CD9: variants seen among roughly 807,000 people sequenced by gnomAD.
CD9 encodes the protein CD9 antigen.
A neutral mutation model predicts 31.4 loss-of-function variants in CD9; 10 were observed. The observed-to-expected ratio is 0.32, with a 90% CI of 0.20 to 0.54. CD9 has a LOEUF of 0.54. CD9 is among the 20% of genes least tolerant of loss of function. CD9 has a pLI of 0.94. For missense variants in CD9, 259 were observed against 300.1 expected (o/e 0.86, Z 1.01); for synonymous variants, 113 against 114.1 (o/e 0.99, Z 0.06).
At chr12:6,210,376 C>T (rs1030944473) in intron 1 of CD9, among the ~76,000 whole-genome samples, 13 of 152,204 alleles carry the variant, frequency 8.5e-5, no homozygotes, top group African/African-American at 3.1e-4. Context: ...CTCTGTCCAC[C>T]CTGACTATAT....
intron 2 of CD9, among the ~76,000 whole-genome samples, chr12:6,229,539 A>AACCAGTC (rs1341226483): frequency 6.6e-6 from 1 of 152,184 alleles, no homozygotes; most frequent in Non-Finnish European, 1.5e-5. Flanking sequence ...ACCAAGACGA[A>AACCAGTC]ACCAGTCGGG....
chr12:6,202,181 A>G (rs1267228166), intron 1 of CD9, among the ~76,000 whole-genome samples: 1 of 152,148 alleles, frequency 6.6e-6, no homozygotes, highest in East Asian at 1.9e-4. Flanking sequence ...ATTTGCAGAG[A>G]CTGACTTCCC....
intron 2 of CD9, among the ~76,000 whole-genome samples, chr12:6,226,762 CAG>C (rs1448221930): frequency 6.6e-6 from 1 of 152,196 alleles, no homozygotes; most frequent in Non-Finnish European, 1.5e-5. Context: ...CACATACACA[CAG>C]AGTTTTTGGG....
chr12:6,233,075 G>A lies in CD9; in HGVS notation c.274-337G>A, dbSNP rs11568262. The A allele has an allele frequency of 5.3e-3, 3,721 of 701,962 alleles. 79 individuals carry two copies. Among genetic ancestry groups the A allele is most frequent in the African/African-American group, 0.052 (2,958 of 57,236 alleles). The allele number at this position is 701,962 out of a possible 1,614,324, so 43.5% of individuals were successfully genotyped here. ...TTTCCGAACTCCACGGAGTGGATTC[G>A]CTCCCTTTACTTGCCCAAATCTCTT... On this transcript the variant is annotated intron_variant, in intron 3 of 7. Coordinates refer to ENST00000009180, the MANE Select transcript of CD9 (RefSeq NM_001769.4).
chr12:6,232,681 C>G lies in CD9; in HGVS notation c.225C>G (p.Phe75Leu), dbSNP rs138825133. 2 of 1,581,908 alleles carry G rather than the reference C, an allele frequency of 1.3e-6. No homozygotes were observed. Among genetic ancestry groups the G allele is most frequent in the South Asian group, 1.2e-5 (1 of 86,848 alleles). The change falls in exon 3 of 8, where the codon TTC becomes TTG. Residue 75 changes from phenylalanine (F) to leucine (L), a missense_variant. Coordinates refer to ENST00000009180, the MANE Select transcript of CD9 (RefSeq NM_001769.4). The surrounding 1 kb of genome is among the most constrained non-coding windows in gnomAD (Gnocchi z 4.8). ...GCGCCCTCATGATGCTGGTGGGCTT[C>G]CTGGGCTGCTGCGGGGCTGTGCAGG... The part of the protein sequence containing the change: ...GAGALMMLVG[F>L]LGCCGAVQES...
At chr12:6,206,412 C>T (rs1946133114) in intron 1 of CD9, among the ~76,000 whole-genome samples, 1 of 152,000 alleles carries the variant, frequency 6.6e-6, no homozygotes, top group South Asian at 2.1e-4. Context: ...TTTGTAGAGA[C>T]AGGATCTCAC....
rs532910736 is a variant in CD9 at position 6,235,361 on chromosome 12, T to C, written c.447+34T>C. On this transcript the variant is annotated intron_variant, in intron 5 of 7. Transcript: ENST00000009180. ...CCTTGGCAAAGACACCCTCCTGCGC[T>C]TTCTCCGGATTGTGTCTGCACACAG... 1.3e-4 allele frequency: 208 copies of C among 1,614,154 alleles called. 1 individual carries two copies. Among genetic ancestry groups the C allele is most frequent in the Middle Eastern group, 1.2e-3 (7 of 6,062 alleles).
chr12:6,216,336 G>C (rs1946242489), intron 1 of CD9, among the ~76,000 whole-genome samples: 1 of 152,210 alleles, frequency 6.6e-6, no homozygotes, highest in Non-Finnish European at 1.5e-5. Context: ...CCAGTATTTG[G>C]TGTGTTGCTT....
chr12:6,220,661 T>C (rs1946284006), intron 1 of CD9, among the ~76,000 whole-genome samples: 1 of 152,194 alleles, frequency 6.6e-6, no homozygotes, highest in African/African-American at 2.4e-5. Flanking sequence ...GTGGAGCAGG[T>C]TCTTGAAGGA....
intron 1 of CD9, among the ~76,000 whole-genome samples, chr12:6,217,158 G>A (rs1946251632): frequency 6.6e-6 from 1 of 152,166 alleles, no homozygotes; most frequent in Non-Finnish European, 1.5e-5. Flanking sequence ...ATTCTCAACA[G>A]AGGCGTGCAA....
intron 3 of CD9, chr12:6,233,103 CT>C: frequency 1.4e-6 from 1 of 700,624 alleles, no homozygotes; most frequent in Non-Finnish European, 2.6e-6. Context: ...AATCTCTTGT[CT>C]TTTGTGAACA....
In CD9 at chr12:6,232,740, C is replaced by T. The variant is rs951497768; in HGVS notation, c.273+11C>T. 3.3e-6 allele frequency: 5 copies of T among 1,519,654 alleles called. No homozygotes were observed. The highest frequency in any genetic ancestry group is 2.4e-5 in the South Asian group (2 of 83,806). 94.1% of individuals were successfully genotyped at this position (1,519,654 alleles called of 1,614,324 possible). A position where few individuals can be genotyped will look rare whatever the true frequency, so the allele number is the denominator to read the frequency against. ...TGCATGCTGGGACTGGTGAGTATCC[C>T]CTCGGCATCCCCACAGCCACCCTGA... is the stretch of plus-strand genomic sequence containing the variant. On this transcript the variant is annotated intron_variant, in intron 3 of 7. Coordinates refer to ENST00000009180, the MANE Select transcript of CD9 (RefSeq NM_001769.4). The surrounding 1 kb of genome is among the most constrained non-coding windows in gnomAD (Gnocchi z 4.8).
intron 7 of CD9, among the ~76,000 whole-genome samples, chr12:6,237,004 G>A (rs12426772): frequency 3.3e-5 from 5 of 152,006 alleles, no homozygotes; most frequent in Admixed American, 2.0e-4. Context: ...TTGAGACGAA[G>A]TTTCACTCTT....
chr12:6,203,555 C>G (rs2136597521), intron 1 of CD9, among the ~76,000 whole-genome samples: 1 of 152,286 alleles, frequency 6.6e-6, no homozygotes, highest in East Asian at 1.9e-4. Flanking sequence ...CTTCCCTGGC[C>G]TGATCTCATC....
chr12:6,201,846 G>A (rs898378266), intron 1 of CD9, among the ~76,000 whole-genome samples: 1 of 152,140 alleles, frequency 6.6e-6, no homozygotes, highest in African/African-American at 2.4e-5. Flanking sequence ...AGACCAGCCT[G>A]GGTAACATAG....
upstream of CD9, chr12:6,200,333 G>T: frequency 2.5e-6 from 1 of 404,344 alleles, no homozygotes. Context: ...CGGCACATGC[G>T]CACCGCAGCG....
chr12:6,209,469 C>T lies in CD9; in HGVS notation c.66+8904C>T, dbSNP rs555207735. Among the ~76,000 whole-genome samples the T allele has an allele frequency of 1.0e-3, 156 of 152,284 alleles. 1 individual carries two copies. Among genetic ancestry groups the T allele is most frequent in the African/African-American group, 3.7e-3 (153 of 41,546 alleles). ...AGGCCCTTCCCACTAAGACATATTCCTCCTGCTCTCCATGGTGCAATGTAA... is the reference window on the plus strand; with the variant it reads ...AGGCCCTTCCCACTAAGACATATTCTTCCTGCTCTCCATGGTGCAATGTAA... On this transcript the variant is annotated intron_variant, in intron 1 of 7. Transcript: ENST00000009180.
chr12:6,200,772 G>A, intron 1 of CD9: 1 of 462,086 alleles, frequency 2.2e-6, no homozygotes, highest in Non-Finnish European at 3.8e-6. Context: ...GCATTCGGGT[G>A]GGGGCTCATC....
intron 5 of CD9, 22 bp from the exon 6 acceptor site, chr12:6,235,454 C>T (rs1320924687): frequency 2.5e-6 from 4 of 1,613,640 alleles, no homozygotes; most frequent in African/African-American, 1.3e-5. Flanking sequence ...CTCTCATCCC[C>T]ATCCCTGCCT....
Sources: allele counts gnomAD v4.1 joint callset (sites outside exome capture counted in the v4.1 genomes callset), GRCh38; gene constraint gnomAD v4.1.1; non-coding constraint Gnocchi (gnomAD v3.1); transcripts MANE v1.5; gene names NCBI Gene and HGNC (gene_info 2026-07-23, HGNC 2026-07-21).